The following LTBP1 variants were observed in gnomAD, a reference collection of about 807,000 sequenced individuals.
LTBP1 encodes latent-transforming growth factor beta-binding protein 1.
LTBP1 carries 129 observed loss-of-function variants against 207.6 expected under a neutral mutation model. The observed-to-expected ratio is 0.62, with a 90% CI of 0.54 to 0.72. The LOEUF (loss-of-function observed/expected upper bound fraction) is 0.72, where lower values mean the gene tolerates loss of function less well. Ranked by LOEUF, LTBP1 falls within the 30% of genes least tolerant of loss-of-function variation. The probability of loss-of-function intolerance (pLI) is 0.00; values close to 1 mark genes in which losing one functional copy is unlikely to be tolerated. For synonymous variants in LTBP1, 963 were observed against 833.7 expected, an observed-to-expected ratio of 1.16 and a Z score of -2.67; for missense variants, 2,281 against 2,217.2, an observed-to-expected ratio of 1.03 and a Z score of -0.58.
chr2:33,150,204 G>A (rs546091002), intron 5 of LTBP1, among the ~76,000 whole-genome samples: 6 of 152,112 alleles, frequency 3.9e-5, no homozygotes, highest in Non-Finnish European at 7.4e-5. Context: ...GCAGTCTTCC[G>A]TTATGTTTTG....
At chr2:33,359,417 G>A (rs1669260493) in intron 26 of LTBP1, among the ~76,000 whole-genome samples, 1 of 152,004 alleles carries the variant, frequency 6.6e-6, no homozygotes, top group Non-Finnish European at 1.5e-5. Context: ...AAACATATAG[G>A]AAGCTATTGT....
chr2:33,334,612 T>C (rs947884358), intron 24 of LTBP1, among the ~76,000 whole-genome samples: 6 of 152,146 alleles, frequency 3.9e-5, no homozygotes, highest in Non-Finnish European at 8.8e-5. Flanking sequence ...CATTTTTGGG[T>C]AACTAGGATG....
rs142548358 is a variant in LTBP1 at position 33,323,391 on chromosome 2, C to T, written c.3730+8122C>T. Among the ~76,000 whole-genome samples, 1,505 of 152,278 alleles carry T rather than the reference C, an allele frequency of 9.9e-3. 8 individuals are homozygous for T. The highest frequency in any genetic ancestry group is 0.015 in the Non-Finnish European group (1,041 of 68,024). ...GTAGCTCACACCTGTAATCCCAGCA[C>T]TTTGGGAGGCCGAAACAGGCAGATC... On this transcript the variant is annotated intron_variant, in intron 24 of 33. Coordinates refer to ENST00000404816, the MANE Select transcript of LTBP1 (RefSeq NM_206943.4).
intron 3 of LTBP1, among the ~76,000 whole-genome samples, chr2:33,100,430 G>T (rs1025958440): frequency 6.6e-6 from 1 of 151,716 alleles, no homozygotes; most frequent in African/African-American, 2.4e-5. Flanking sequence ...GGGCAGGGGG[G>T]GCAAGAAACC....
chr2:33,084,239 G>A (rs968686877), intron 3 of LTBP1, among the ~76,000 whole-genome samples: 2 of 152,152 alleles, frequency 1.3e-5, no homozygotes, highest in African/African-American at 4.8e-5. Flanking sequence ...ATTTTTTTGT[G>A]TGTGCCCAGA....
chr2:32,976,507 A>G (rs955139747), intron 2 of LTBP1, among the ~76,000 whole-genome samples: 8 of 152,202 alleles, frequency 5.3e-5, no homozygotes, highest in African/African-American at 1.9e-4. Context: ...CCATTTAAGA[A>G]TGTTAGCCAG....
At chr2:33,227,813 T>G (rs2091531789) in intron 9 of LTBP1, among the ~76,000 whole-genome samples, 1 of 138,860 alleles carries the variant, frequency 7.2e-6, no homozygotes, top group African/African-American at 2.7e-5. Context: ...TTTTTTTTTT[T>G]TTTTTTTTTT....
intron 24 of LTBP1, among the ~76,000 whole-genome samples, chr2:33,316,917 T>G (rs2094282064): frequency 6.6e-6 from 1 of 152,160 alleles, no homozygotes; most frequent in African/African-American, 2.4e-5. Flanking sequence ...GCTTGCTTCC[T>G]AAGAAATGGT....
chr2:33,107,104 A>C (rs1249407567), intron 3 of LTBP1, among the ~76,000 whole-genome samples: 1 of 152,236 alleles, frequency 6.6e-6, no homozygotes, highest in Non-Finnish European at 1.5e-5. Flanking sequence ...TGAAGTCATG[A>C]AATACATGTA....
At chr2:33,177,539 G>C (rs2086185272) in intron 5 of LTBP1, among the ~76,000 whole-genome samples, 2 of 152,108 alleles carry the variant, frequency 1.3e-5, no homozygotes, top group African/African-American at 4.8e-5. Context: ...GTGGTGGTGG[G>C]TGCCTGTAAT....
chr2:33,390,919 C>T (rs1558348625), intron 32 of LTBP1, among the ~76,000 whole-genome samples: 3 of 152,076 alleles, frequency 2.0e-5, no homozygotes, highest in Non-Finnish European at 4.4e-5. Context: ...AGCCAGGACC[C>T]AGTTCTGGGG....
At chr2:33,146,753 G>A (rs1442899946) in intron 5 of LTBP1, among the ~76,000 whole-genome samples, 1 of 152,120 alleles carries the variant, frequency 6.6e-6, no homozygotes, top group Non-Finnish European at 1.5e-5. Flanking sequence ...AATGGGAGAT[G>A]CTACACACTT....
intron 4 of LTBP1, among the ~76,000 whole-genome samples, chr2:33,119,779 T>C (rs182442095): frequency 3.3e-5 from 5 of 152,240 alleles, no homozygotes; most frequent in East Asian, 1.9e-4. Context: ...AGGATGGTCT[T>C]GATCTCCCGA....
At chr2:33,332,464 A>G (rs2094506993) in intron 24 of LTBP1, among the ~76,000 whole-genome samples, 1 of 151,600 alleles carries the variant, frequency 6.6e-6, no homozygotes, top group Non-Finnish European at 1.5e-5. Context: ...TATAAAGAAA[A>G]AAATCATTTA....
chr2:33,072,342 G>A (rs1467460885), intron 3 of LTBP1, among the ~76,000 whole-genome samples: 3 of 152,052 alleles, frequency 2.0e-5, no homozygotes, highest in East Asian at 1.9e-4. Flanking sequence ...AGTCCTCTTC[G>A]GCCTTTTATG....
In LTBP1 at chr2:33,332,484, GTTAA is replaced by G. The variant is rs1179813968; in HGVS notation, c.3731-10348_3731-10345del. Among the ~76,000 whole-genome samples the G allele has an allele frequency of 7.3e-5, 11 of 150,502 alleles. 1 individual carries two copies. The highest frequency in any genetic ancestry group is 2.2e-4 in the African/African-American group (9 of 41,088). ...AGAAAAAAATCATTTATCAACCAGT[GTTAA>G]TTAATGTTAATATTTGACATATTTC... On this transcript the variant is annotated intron_variant, in intron 24 of 33. Transcript: ENST00000404816.
rs774681859 is a variant in LTBP1 at position 33,275,009 on chromosome 2, C to G, written c.2788C>G (p.Arg930Gly). 1 of 1,614,070 alleles carries G rather than the reference C, an allele frequency of 6.2e-7. No individual in the cohort carries two copies. The highest frequency in any genetic ancestry group is 8.5e-7 in the Non-Finnish European group (1 of 1,179,972). The change falls in exon 17 of 34, where the codon CGC becomes GGC. Residue 930 changes from arginine (R) to glycine (G), a missense_variant. Arg to Gly is a moderately radical substitution (Grantham distance 125). This residue lies in a region of LTBP1 where 1,671 missense variants were observed against 1,634.8 expected (regional missense o/e 1.02). Coordinates refer to ENST00000404816, the MANE Select transcript of LTBP1 (RefSeq NM_206943.4). ...GGTCCAACACCTCTGCTCCCAGGGC[C>G]GCTGTGAAAACACCGAGGGAAGTTT... The part of the protein sequence containing the change: ...TQVQHLCSQG[R>G]CENTEGSFLC...
At chr2:33,180,191 A>C (rs2086475442) in intron 5 of LTBP1, among the ~76,000 whole-genome samples, 1 of 152,188 alleles carries the variant, frequency 6.6e-6, no homozygotes, top group African/African-American at 2.4e-5. Context: ...GAGTCAGTAT[A>C]AGTTAACAGA....
chr2:33,264,079 C>G (rs1414698300), intron 15 of LTBP1, among the ~76,000 whole-genome samples: 1 of 151,414 alleles, frequency 6.6e-6, no homozygotes, highest in Non-Finnish European at 1.5e-5. Flanking sequence ...CACGGTGAAA[C>G]CCCATCTCTA....
Sources: gnomAD v4.1 joint callset for allele counts (sites outside exome capture counted in the v4.1 genomes callset) on GRCh38, gnomAD v4.1.1 for gene constraint, gnomAD v4.1.1 regional missense constraint, MANE v1.5 for transcripts, NCBI Gene and HGNC (gene_info 2026-07-23, HGNC 2026-07-21) for gene names.